SPATA31H1: variants seen among roughly 807,000 people sequenced by gnomAD.
SPATA31H1 encodes spermatogenesis-associated protein 31H1.
the SPATA31H1 span, among the ~76,000 whole-genome samples, chr2:27,538,304 G>A: frequency 6.6e-5 from 10 of 151,794 alleles, no homozygotes; most frequent in African/African-American, 2.4e-4. Context: ...TCACCTGGGG[G>A]ATCTTGTTAA....
At chr2:27,546,607 A>C in the SPATA31H1 span, among the ~76,000 whole-genome samples, 1,251 of 152,156 alleles carry the variant, frequency 8.2e-3, 97 homozygotes, top group East Asian at 0.19. Flanking sequence ...ATTACAGCTC[A>C]CTGCAGCCTC....
At chr2:27,575,157 C>T in the SPATA31H1 span, 1 of 398,506 alleles carries the variant, frequency 2.5e-6, no homozygotes, top group Non-Finnish European at 4.4e-6. The surrounding 1 kb of genome is among the most constrained non-coding windows in gnomAD (Gnocchi z 4.1). Flanking sequence ...GATAAAGCTT[C>T]AGACGGTGAA....
At chr2:27,577,029 C>T in the SPATA31H1 span, 2 of 1,614,080 alleles carry the variant, frequency 1.2e-6, no homozygotes, top group Non-Finnish European at 1.7e-6. The surrounding 1 kb of genome is among the most constrained non-coding windows in gnomAD (Gnocchi z 4.5). Context: ...GATTTCAATA[C>T]CAATTTATCA....
At chr2:27,576,506 C>T in the SPATA31H1 span, 1 of 1,253,092 alleles carries the variant, frequency 8.0e-7, no homozygotes, top group South Asian at 1.5e-5. Context: ...TGACATCATG[C>T]TTTGGGTCAC....
the SPATA31H1 span, chr2:27,566,417 A>G: frequency 1.4e-6 from 1 of 712,440 alleles, no homozygotes. Flanking sequence ...TGGGGATTGA[A>G]GGTGGTAGAG....
At chr2:27,539,262 G>C in the SPATA31H1 span, among the ~76,000 whole-genome samples, 4 of 141,050 alleles carry the variant, frequency 2.8e-5, no homozygotes, top group Non-Finnish European at 4.4e-5. Flanking sequence ...GCGGCCTTCC[G>C]GCCTTCCGCA....
the SPATA31H1 span, chr2:27,578,248 G>A: frequency 1.5e-4 from 236 of 1,614,182 alleles, 1 homozygote; most frequent in African/African-American, 2.9e-3. Context: ...ACAGGGCCAT[G>A]TTTGCAAGAT....
At chr2:27,576,859 G>A in the SPATA31H1 span, 3 of 1,614,050 alleles carry the variant, frequency 1.9e-6, no homozygotes, top group South Asian at 3.3e-5. Context: ...TTAGCACCAG[G>A]GTCACTGCCT....
the SPATA31H1 span, among the ~76,000 whole-genome samples, chr2:27,555,872 G>T: frequency 6.6e-6 from 1 of 151,750 alleles, no homozygotes; most frequent in African/African-American, 2.4e-5. Flanking sequence ...GGTGGCTCAC[G>T]CCTGTAATCC....
the SPATA31H1 span, among the ~76,000 whole-genome samples, chr2:27,562,510 CA>C: frequency 0.048 from 4,649 of 97,518 alleles, 217 homozygotes; most frequent in African/African-American, 0.15. Context: ...GACCTTGTCT[CA>C]AAAAAAAAAA....
the SPATA31H1 span, chr2:27,571,514 G>C: frequency 2.5e-6 from 1 of 398,452 alleles, no homozygotes; most frequent in Non-Finnish European, 4.4e-6. Context: ...AAACTGAGGA[G>C]TTGGTCCTAG....
chr2:27,580,427 T>C, the SPATA31H1 span: 1 of 1,614,054 alleles, frequency 6.2e-7, no homozygotes, highest in South Asian at 1.1e-5. Flanking sequence ...AGACCTCTGA[T>C]TCAAAATATC....
chr2:27,537,489 TG>T, the SPATA31H1 span: 3 of 717,460 alleles, frequency 4.2e-6, no homozygotes, highest in East Asian at 2.7e-5. Flanking sequence ...TATTATTGTT[TG>T]TTTTTTTTAT....
At chr2:27,543,998 A>G in the SPATA31H1 span, among the ~76,000 whole-genome samples, 10 of 152,026 alleles carry the variant, frequency 6.6e-5, 1 homozygote, top group African/African-American at 2.4e-4. Flanking sequence ...CCTGCTGTGC[A>G]TTAGGAGTTC....
the SPATA31H1 span, among the ~76,000 whole-genome samples, chr2:27,548,567 C>T: frequency 6.7e-6 from 1 of 148,704 alleles, no homozygotes; most frequent in South Asian, 2.1e-4. Context: ...AAGTTTACTC[C>T]ACAGCACTCC....
At chr2:27,573,575 G>A in the SPATA31H1 span, 1 of 398,402 alleles carries the variant, frequency 2.5e-6, no homozygotes, top group African/African-American at 2.1e-5. Flanking sequence ...CTGGGCTACA[G>A]TTGAGAACTG....
the SPATA31H1 span, chr2:27,579,913 T>G: frequency 4.3e-6 from 7 of 1,614,230 alleles, no homozygotes; most frequent in East Asian, 1.6e-4. Flanking sequence ...GCTTCAGGTC[T>G]AGTCCTAAAA....
At chr2:27,574,125 C>A in the SPATA31H1 span, 1 of 398,528 alleles carries the variant, frequency 2.5e-6, no homozygotes, top group Non-Finnish European at 4.4e-6. Flanking sequence ...GCCACAGTTG[C>A]AAGGAGTGAA....
chr2:27,577,456 C>G, the SPATA31H1 span: 2 of 1,614,022 alleles, frequency 1.2e-6, no homozygotes, highest in African/African-American at 2.7e-5. This position sits in a 1 kb window ranked among gnomAD's most constrained non-coding sequence, Gnocchi z 4.5. Flanking sequence ...GGAATGACCC[C>G]AAAGCCAACA....
Sources: gnomAD v4.1 joint callset for allele counts (sites outside exome capture counted in the v4.1 genomes callset) on GRCh38, gnomAD v4.1.1 for gene constraint, Gnocchi (gnomAD v3.1) non-coding constraint, MANE v1.5 for transcripts, NCBI Gene and HGNC (gene_info 2026-07-23, HGNC 2026-07-21) for gene names.